Variants in TRIM62 observed in about 807,000 individuals in gnomAD.
TRIM62 encodes tripartite motif containing 62.
Under a neutral mutation model 44.2 loss-of-function variants are expected in TRIM62, and 39 were observed. The observed-to-expected ratio is 0.88, with a 90% confidence interval of 0.68 to 1.15. The LOEUF is 1.15. TRIM62 is among the 50% of genes most tolerant of loss of function. The probability of loss-of-function intolerance (pLI) is 0.00; values close to 1 mark genes in which losing one functional copy is unlikely to be tolerated. For missense variants in TRIM62, 544 were observed against 665.5 expected (o/e 0.82, Z 2.01); for synonymous variants, 278 against 292.3 (o/e 0.95, Z 0.50).
intron 4 of TRIM62, among the ~76,000 whole-genome samples, chr1:33,151,858 C>T (rs996307783): frequency 8.8e-4 from 134 of 152,230 alleles, no homozygotes; most frequent in African/African-American, 3.1e-3. Context: ...AGAAAGCCCT[C>T]CCGGGGCACA....
rs562360954 is a variant in TRIM62, at chr1:33,167,147, T to G, written c.409-1581A>C. On this transcript the variant is annotated intron_variant, in intron 1 of 4. Coordinates refer to ENST00000291416, the MANE Select transcript of TRIM62 (RefSeq NM_018207.3). The surrounding 1 kb of genome is among the most constrained non-coding windows in gnomAD (Gnocchi z 4.2). ...ACGGTGACTCCTTTGTACCATTAAT[T>G]TAACTCAGATGCCACCTCCTTGAAG... Among the ~76,000 whole-genome samples, 6 of 152,308 alleles carry G rather than the reference T, an allele frequency of 3.9e-5. No individual in the cohort carries two copies. The East Asian group carries it at 1.2e-3, about 29-fold the overall frequency.
At chr1:33,174,227 G>C (rs1255170354) in intron 1 of TRIM62, among the ~76,000 whole-genome samples, 1 of 151,404 alleles carries the variant, frequency 6.6e-6, no homozygotes, top group African/African-American at 2.4e-5. Context: ...GCCCAGGCTG[G>C]CTGTAGTGCA....
chr1:33,177,055 A>G lies in TRIM62; in HGVS notation c.408+3970T>C, dbSNP rs531208209. ...CATACACATGCACACACACACGCAC[A>G]CACACACACATGCACACACACACAT... On this transcript the variant is annotated intron_variant, in intron 1 of 4. Transcript: ENST00000291416. This position sits in a 1 kb window ranked among gnomAD's most constrained non-coding sequence, Gnocchi z 4.1. Among the ~76,000 whole-genome samples the G allele has an allele frequency of 0.093, 8,152 of 87,940 alleles. 420 individuals are homozygous for G. The highest frequency in any genetic ancestry group is 0.19 in the African/African-American group (5,316 of 28,064). 57.7% of individuals were successfully genotyped at this position (87,940 alleles called of 152,430 possible). A position where few individuals can be genotyped will look rare whatever the true frequency, so the allele number is the denominator to read the frequency against.
At position 33,181,626 on chromosome 1, in the gene TRIM62, C is replaced by T. The variant is rs1475300688; in HGVS notation, c.-194G>A. The T allele has an allele frequency of 2.9e-6, 3 of 1,027,952 alleles. No individual in the cohort carries two copies. The highest frequency in any genetic ancestry group is 4.0e-6 in the Non-Finnish European group (3 of 744,162). The allele number at this position is 1,027,952 out of a possible 1,614,324, so 63.7% of individuals were successfully genotyped here. A position where few individuals can be genotyped will look rare whatever the true frequency, so the allele number is the denominator to read the frequency against. The stretch of plus-strand genomic sequence containing the variant: ...GAGGAAGGGGTGCGCGGCTGAGACT[C>T]CGTGGGACGCCAGCCCGGGAGGGCA... On this transcript the variant is annotated 5_prime_UTR_variant, in exon 1 of 5. Coordinates refer to ENST00000291416, the MANE Select transcript of TRIM62 (RefSeq NM_018207.3). The surrounding 1 kb of genome is among the most constrained non-coding windows in gnomAD (Gnocchi z 6.5).
In TRIM62 at chr1:33,181,242, G is replaced by A; in HGVS notation, c.191C>T (p.Pro64Leu). 6.4e-7 allele frequency: 1 copy of A among 1,556,718 alleles called. No individual in the cohort carries two copies. Among genetic ancestry groups the A allele is most frequent in the Non-Finnish European group, 8.6e-7 (1 of 1,156,796 alleles). The change falls in exon 1 of 5, where the codon CCC becomes CTC. Residue 64 changes from proline to leucine, a missense_variant. Transcript: ENST00000291416. The surrounding 1 kb of genome is among the most constrained non-coding windows in gnomAD (Gnocchi z 6.5). ...RRTFAEPALA[P>L]SLKLANIVER... The stretch of plus-strand genomic sequence containing the variant: ...CACGATGTTGGCCAGCTTGAGGCTG[G>A]GCGCCAGCGCGGGCTCGGCGAACGT...
In TRIM62 at chr1:33,177,997, C is replaced by A. The variant is rs1344394780; in HGVS notation, c.408+3028G>T. ...AGCCAGGATTGAGATTACCTGGGTACAAAGCAGGGCTCTTAATTTCTCTGC... is the reference window on the plus strand; with the variant it reads ...AGCCAGGATTGAGATTACCTGGGTAAAAAGCAGGGCTCTTAATTTCTCTGC... On this transcript the variant is annotated intron_variant, in intron 1 of 4. Coordinates refer to ENST00000291416, the MANE Select transcript of TRIM62 (RefSeq NM_018207.3). The surrounding 1 kb of genome is among the most constrained non-coding windows in gnomAD (Gnocchi z 4.1). Among the ~76,000 whole-genome samples the A allele has an allele frequency of 6.6e-6, 1 of 152,162 alleles. No homozygotes were observed. Among genetic ancestry groups the A allele is most frequent in the Non-Finnish European group, 1.5e-5 (1 of 68,040 alleles).
At position 33,147,270 on chromosome 1, in the gene TRIM62, G is replaced by C. The variant is rs1329578531; in HGVS notation, c.1335C>G (p.Phe445Leu). 1.2e-6 allele frequency: 2 copies of C among 1,614,170 alleles called. No individual in the cohort carries two copies. Among genetic ancestry groups the C allele is most frequent in the African/African-American group, 2.7e-5 (2 of 75,064 alleles). The change falls in exon 5 of 5, where the codon TTC (phenylalanine) becomes TTG (leucine). Residue 445 changes from phenylalanine to leucine, a missense_variant. Coordinates refer to ENST00000291416, the MANE Select transcript of TRIM62 (RefSeq NM_018207.3). The surrounding 1 kb of genome is among the most constrained non-coding windows in gnomAD (Gnocchi z 8.1). ...TGAAGTAAGAGCAGAGCTTGCCAGG[G>C]AACTTCTCGCGGAAGGTGTAGAGCC... is the stretch of plus-strand genomic sequence containing the variant. ...MSWLYTFREK[F>L]PGKLCSYFSP...
intron 4 of TRIM62, among the ~76,000 whole-genome samples, chr1:33,155,398 G>A (rs1424563882): frequency 6.6e-6 from 1 of 151,986 alleles, no homozygotes; most frequent in Non-Finnish European, 1.5e-5. Flanking sequence ...GTGCCTTGAG[G>A]GACTTTTGAT....
chr1:33,180,347 A>G (rs1254714233), intron 1 of TRIM62, among the ~76,000 whole-genome samples: 2 of 152,072 alleles, frequency 1.3e-5, no homozygotes, highest in Non-Finnish European at 2.9e-5. Flanking sequence ...TCTGGCTTAA[A>G]TCTAAACTTG....
chr1:33,169,261 G>T (rs532492327), intron 1 of TRIM62, among the ~76,000 whole-genome samples: 1 of 152,230 alleles, frequency 6.6e-6, no homozygotes, highest in East Asian at 1.9e-4. Flanking sequence ...TCAGTGAAGT[G>T]CACCCCTCCC....
rs1293268059 is a variant in TRIM62 at position 33,147,408 on chromosome 1, G to C, written c.1197C>G (p.Ala399=). 1 of 1,614,162 alleles carries C rather than the reference G, an allele frequency of 6.2e-7. No homozygotes were observed. The highest frequency in any genetic ancestry group is 1.1e-5 in the South Asian group (1 of 91,084). ...IVMHDGNQYS[A]CTEPWTRLNV... is the part of the protein sequence containing the mutation. ...TAAGCCGCGTCCAGGGCTCCGTGCA[G>C]GCGCTGTACTGGTTGCCATCGTGCA... Residue 399 remains alanine (A), a synonymous_variant, in exon 5 of 5, where the codon GCC becomes GCG. Transcript: ENST00000291416. This position sits in a 1 kb window ranked among gnomAD's most constrained non-coding sequence, Gnocchi z 8.1.
At chr1:33,174,523 TG>T (rs1449137064) in intron 1 of TRIM62, among the ~76,000 whole-genome samples, 1 of 152,096 alleles carries the variant, frequency 6.6e-6, no homozygotes, top group African/African-American at 2.4e-5. Flanking sequence ...ATTTATAAAA[TG>T]GGGCAATGAG....
In TRIM62 at chr1:33,147,433, A is replaced by G. The variant is rs1645035125; in HGVS notation, c.1172T>C (p.Met391Thr). 5 of 1,614,062 alleles carry G rather than the reference A, an allele frequency of 3.1e-6. No individual in the cohort carries two copies. Among genetic ancestry groups the G allele is most frequent in the South Asian group, 2.2e-5 (2 of 91,082 alleles). Reference protein sequence around the residue: ...QPSRGFYCIVMHDGNQYSACT... With the variant: ...QPSRGFYCIVTHDGNQYSACT... The stretch of plus-strand genomic sequence containing the variant: ...GGCGCTGTACTGGTTGCCATCGTGC[A>G]TCACGATGCAGTAGAAGCCGCGGCT... The change falls in exon 5 of 5, where the codon ATG becomes ACG. Residue 391 changes from methionine to threonine, a missense_variant. By Grantham distance (81) the Met-to-Thr change is moderately conservative (BLOSUM62 -1). Transcript: ENST00000291416. The surrounding 1 kb of genome is among the most constrained non-coding windows in gnomAD (Gnocchi z 8.1).
At chr1:33,157,713 C>T (rs936318747) in intron 4 of TRIM62, among the ~76,000 whole-genome samples, 22 of 151,562 alleles carry the variant, frequency 1.5e-4, no homozygotes, top group African/African-American at 5.3e-4. Context: ...GTCATTTCAT[C>T]TGGAGAATGG....
At chr1:33,151,834 T>G (rs1020688281) in intron 4 of TRIM62, among the ~76,000 whole-genome samples, 2 of 152,244 alleles carry the variant, frequency 1.3e-5, no homozygotes, top group Non-Finnish European at 2.9e-5. Context: ...AATCACATTC[T>G]GCCCAAGCAG....
rs1160247461 is a variant in TRIM62 at position 33,165,824 on chromosome 1, C to T, written c.409-258G>A. 3.1e-6 allele frequency: 1 copy of T among 326,366 alleles called. No individual in the cohort carries two copies. Among genetic ancestry groups the T allele is most frequent in the Non-Finnish European group, 5.6e-6 (1 of 178,118 alleles). The allele number at this position is 326,366 out of a possible 1,614,324, so 20.2% of individuals were successfully genotyped here. On this transcript the variant is annotated intron_variant, in intron 1 of 4. Coordinates refer to ENST00000291416, the MANE Select transcript of TRIM62 (RefSeq NM_018207.3). This position sits in a 1 kb window ranked among gnomAD's most constrained non-coding sequence, Gnocchi z 4.0. ...CCACCCTAGAGGCTTCTGTGACAAT[C>T]GACTTCCACATACACACTCTCTGGC...
At position 33,147,223 on chromosome 1, in the gene TRIM62, T is replaced by C. The variant is rs1402216484; in HGVS notation, c.1382A>G (p.Asn461Ser). ...CCGCAGCGGCTGAACGTTCTTGCCA[T>C]TGGCGTGGCTCTGGCCAGGGCTGAA... Reference protein sequence around the residue: ...SYFSPGQSHANGKNVQPLRIN... With the variant: ...SYFSPGQSHASGKNVQPLRIN... The change falls in exon 5 of 5, where the codon AAT (asparagine) becomes AGT (serine). Residue 461 changes from asparagine to serine, a missense_variant. Physicochemically the swap from Asn to Ser is conservative, Grantham distance 46. Transcript: ENST00000291416. The surrounding 1 kb of genome is among the most constrained non-coding windows in gnomAD (Gnocchi z 8.1). 4 of 1,613,930 alleles carry C rather than the reference T, an allele frequency of 2.5e-6. No individual in the cohort carries two copies. In the South Asian group the frequency reaches 3.3e-5, roughly 13 times the overall value.
rs1288542103 is a variant in TRIM62, at chr1:33,165,785, C to T, written c.409-219G>A. On this transcript the variant is annotated intron_variant, in intron 1 of 4. Transcript: ENST00000291416. The surrounding 1 kb of genome is among the most constrained non-coding windows in gnomAD (Gnocchi z 4.0). The stretch of plus-strand genomic sequence containing the variant: ...CTTTCACCTGCATCTTTGCAACAAC[C>T]TCCTCCTCTTTGGCCACCCTAGAGG... The T allele has an allele frequency of 2.4e-6, 1 of 409,490 alleles. No individual in the cohort carries two copies. Among genetic ancestry groups the T allele is most frequent in the Admixed American group, 4.3e-5 (1 of 23,112 alleles). The allele number at this position is 409,490 out of a possible 1,614,324, so 25.4% of individuals were successfully genotyped here.
At chr1:33,172,619 C>T (rs1341278587) in intron 1 of TRIM62, among the ~76,000 whole-genome samples, 2 of 152,148 alleles carry the variant, frequency 1.3e-5, no homozygotes, top group South Asian at 2.1e-4. Flanking sequence ...GGAGTCTGCG[C>T]AGCCCTGAGC....
Sources: allele counts gnomAD v4.1 joint callset (sites outside exome capture counted in the v4.1 genomes callset), GRCh38; gene constraint gnomAD v4.1.1; non-coding constraint Gnocchi (gnomAD v3.1); transcripts MANE v1.5; gene names NCBI Gene and HGNC (gene_info 2026-07-23, HGNC 2026-07-21).